The following DERA variants were observed in gnomAD, a reference collection of about 807,000 sequenced individuals.
DERA encodes deoxyribose-phosphate aldolase.
Under a neutral mutation model 41.1 loss-of-function variants are expected in DERA, and 15 were observed. The observed-to-expected ratio is 0.37, with a 90% CI of 0.24 to 0.56. The LOEUF (loss-of-function observed/expected upper bound fraction) is 0.56, where lower values mean the gene tolerates loss of function less well. Among genes scored for constraint, DERA ranks in the 20% least tolerant of loss-of-function variants. The pLI is 0.81. For synonymous variants in DERA, 139 were observed against 137.4 expected, an observed-to-expected ratio of 1.01 and a Z score of -0.08; for missense variants, 396 against 403.4, an observed-to-expected ratio of 0.98 and a Z score of 0.16.
At chr12:15,971,723 G>A (rs112744720) in intron 5 of DERA, among the ~76,000 whole-genome samples, 2,672 of 152,104 alleles carry the variant, frequency 0.018, 84 homozygotes, top group African/African-American at 0.061. Flanking sequence ...TCACCATGTT[G>A]GCCAGGCTGG....
At chr12:15,973,904 A>G (rs1948680733) in intron 5 of DERA, among the ~76,000 whole-genome samples, 1 of 152,160 alleles carries the variant, frequency 6.6e-6, no homozygotes, top group African/African-American at 2.4e-5. Context: ...TACAACAAAC[A>G]TATCAAATTA....
Position 15,918,349 on chromosome 12 carries a change from A to G in DERA, c.31+6935A>G, listed in dbSNP as rs1223453863. 6.6e-6 allele frequency among the ~76,000 whole-genome samples: 1 copy of G among 151,634 alleles called. No individual in the cohort carries two copies. Among genetic ancestry groups the G allele is most frequent in the East Asian group, 2.0e-4 (1 of 5,128 alleles). ...TACCCTGCTTGCGCTTCCACTCCCT[A>G]TGTCTTGCTCCCGCTTTGTGCAGAT... On this transcript the variant is annotated intron_variant, in intron 1 of 8. Transcript: ENST00000428559. The surrounding 1 kb of genome is among the most constrained non-coding windows in gnomAD (Gnocchi z 4.3).
Position 16,010,205 on chromosome 12 carries a change from G to C in DERA, c.638-22337G>C, listed in dbSNP as rs1948938239. ...TGAAAACAAGTGTGTGGCATCCAGG[G>C]AGATCCTAGATGAGTTCTAGTTCAT... On this transcript the variant is annotated intron_variant, in intron 6 of 8. Transcript: ENST00000428559. The surrounding 1 kb of genome is among the most constrained non-coding windows in gnomAD (Gnocchi z 5.5). Among the ~76,000 whole-genome samples the C allele has an allele frequency of 6.6e-6, 1 of 152,200 alleles. No homozygotes were observed. Among genetic ancestry groups the C allele is most frequent in the Non-Finnish European group, 1.5e-5 (1 of 68,040 alleles).
chr12:15,996,212 A>G lies in DERA; in HGVS notation c.637+13776A>G, dbSNP rs903347142. 2.0e-4 allele frequency among the ~76,000 whole-genome samples: 31 copies of G among 151,266 alleles called. No individual in the cohort carries two copies. Among genetic ancestry groups the G allele is most frequent in the African/African-American group, 6.6e-4 (27 of 41,180 alleles). On this transcript the variant is annotated intron_variant, in intron 6 of 8. Coordinates refer to ENST00000428559, the MANE Select transcript of DERA (RefSeq NM_015954.4). The surrounding 1 kb of genome is among the most constrained non-coding windows in gnomAD (Gnocchi z 4.7). ...GTGTGTAATTTAAGAGTAGATTACAATCCAGTATACACAGGGCCCCAAAAT... is the reference window on the plus strand; with the variant it reads ...GTGTGTAATTTAAGAGTAGATTACAGTCCAGTATACACAGGGCCCCAAAAT...
rs1293947611 is a variant in DERA at position 15,981,512 on chromosome 12, G to T, written c.509-796G>T. Reference sequence around the variant, plus strand: ...AAATTCACTAGTATCATTGACAAAAGACTTAAATAATTTTTTAAAGATTTA... The same window carrying T: ...AAATTCACTAGTATCATTGACAAAATACTTAAATAATTTTTTAAAGATTTA... On this transcript the variant is annotated intron_variant, in intron 5 of 8. Transcript: ENST00000428559. This position sits in a 1 kb window ranked among gnomAD's most constrained non-coding sequence, Gnocchi z 6.1. Among the ~76,000 whole-genome samples the T allele has an allele frequency of 6.6e-6, 1 of 152,206 alleles. No homozygotes were observed. Among genetic ancestry groups the T allele is most frequent in the African/African-American group, 2.4e-5 (1 of 41,460 alleles).
At position 15,959,984 on chromosome 12, in the gene DERA, A is replaced by G; in HGVS notation, c.373+60A>G. The G allele has an allele frequency of 8.1e-7, 1 of 1,228,394 alleles. No individual in the cohort carries two copies. 76.1% of individuals were successfully genotyped at this position (1,228,394 alleles called of 1,614,324 possible). A position where few individuals can be genotyped will look rare whatever the true frequency, so the allele number is the denominator to read the frequency against. ...AAACATGTTTCCAGTTCTTCATACA[A>G]TGGGGTATTATATGTAGGTTTGTAC... On this transcript the variant is annotated intron_variant, in intron 4 of 8. Transcript: ENST00000428559. This position sits in a 1 kb window ranked among gnomAD's most constrained non-coding sequence, Gnocchi z 4.5.
Position 15,940,089 on chromosome 12 carries a change from C to A in DERA, c.32-16847C>A, listed in dbSNP as rs1265973746. On this transcript the variant is annotated intron_variant, in intron 1 of 8. Coordinates refer to ENST00000428559, the MANE Select transcript of DERA (RefSeq NM_015954.4). This position sits in a 1 kb window ranked among gnomAD's most constrained non-coding sequence, Gnocchi z 5.1. ...AAAATTTGTATCCATGTTGTCACTG[C>A]AAAATCACATAATTATGTGTTTATC... Among the ~76,000 whole-genome samples the A allele has an allele frequency of 6.6e-6, 1 of 152,152 alleles. No homozygotes were observed. Among genetic ancestry groups the A allele is most frequent in the Non-Finnish European group, 1.5e-5 (1 of 68,012 alleles).
intron 4 of DERA, among the ~76,000 whole-genome samples, chr12:15,960,567 G>C (rs1383237907): frequency 7.0e-6 from 1 of 142,554 alleles, no homozygotes. Context: ...AACCTGGGAG[G>C]CAGAGGTTGC....
chr12:15,962,601 A>C lies in DERA; in HGVS notation c.374-212A>C, dbSNP rs188793540. On this transcript the variant is annotated intron_variant, in intron 4 of 8. Coordinates refer to ENST00000428559, the MANE Select transcript of DERA (RefSeq NM_015954.4). The stretch of plus-strand genomic sequence containing the variant: ...AGAAAATGATATTTGTCCTAACACT[A>C]ATATGAGAGAACATTCAATTTCTTC... Among the ~76,000 whole-genome samples, 462 of 152,322 alleles carry C rather than the reference A, an allele frequency of 3.0e-3. 3 individuals are homozygous for C. The highest frequency in any genetic ancestry group is 4.4e-3 in the Non-Finnish European group (301 of 68,024).
Position 15,989,969 on chromosome 12 carries a change from G to A in DERA, c.637+7533G>A, listed in dbSNP as rs954062480. ...AAGACCAGAACTCTTGTTCTGTCTTGCATATTTTGTGACCTTGAACAAATA... is the reference window on the plus strand; with the variant it reads ...AAGACCAGAACTCTTGTTCTGTCTTACATATTTTGTGACCTTGAACAAATA... On this transcript the variant is annotated intron_variant, in intron 6 of 8. Coordinates refer to ENST00000428559, the MANE Select transcript of DERA (RefSeq NM_015954.4). The surrounding 1 kb of genome is among the most constrained non-coding windows in gnomAD (Gnocchi z 5.2). 6.6e-6 allele frequency among the ~76,000 whole-genome samples: 1 copy of A among 152,200 alleles called. No homozygotes were observed. The highest frequency in any genetic ancestry group is 1.5e-5 in the Non-Finnish European group (1 of 68,034).
chr12:16,010,088 C>T lies in DERA; in HGVS notation c.638-22454C>T, dbSNP rs1202986194. Among the ~76,000 whole-genome samples, 1 of 152,048 alleles carries T rather than the reference C, an allele frequency of 6.6e-6. No individual in the cohort carries two copies. The highest frequency in any genetic ancestry group is 2.4e-5 in the African/African-American group (1 of 41,372). ...TTACTGTATGGTTGTGTGTTATTTC[C>T]ATTTAAGAGTTTTAGTAAAGGAAGC... On this transcript the variant is annotated intron_variant, in intron 6 of 8. Transcript: ENST00000428559. The surrounding 1 kb of genome is among the most constrained non-coding windows in gnomAD (Gnocchi z 5.5).
intron 1 of DERA, among the ~76,000 whole-genome samples, chr12:15,919,077 GCTAA>G (rs1948222829): frequency 6.6e-6 from 1 of 152,154 alleles, no homozygotes; most frequent in Non-Finnish European, 1.5e-5. Flanking sequence ...TTTTGTGAAT[GCTAA>G]CTACTTTGAT....
At position 15,957,042 on chromosome 12, in the gene DERA, T is replaced by C; in HGVS notation, c.129+9T>C. 6.2e-7 allele frequency: 1 copy of C among 1,610,016 alleles called. No individual in the cohort carries two copies. The highest frequency in any genetic ancestry group is 1.1e-5 in the South Asian group (1 of 90,896). On this transcript the variant is annotated intron_variant, in intron 2 of 8. Coordinates refer to ENST00000428559, the MANE Select transcript of DERA (RefSeq NM_015954.4). This position sits in a 1 kb window ranked among gnomAD's most constrained non-coding sequence, Gnocchi z 4.8. ...TGAAAAAGGAGTGGCAGGTAAGGGT[T>C]CTTCTTGAGCATTCTGTGCCTGTAT...
At position 16,036,826 on chromosome 12, in the gene DERA, T is replaced by A; in HGVS notation, c.*80T>A. ...CTACGTAATTGCTAAAATTATTTAA[T>A]TAAAAAATTGGGCAGTAGGTAACTG... On this transcript the variant is annotated 3_prime_UTR_variant, in exon 9 of 9. Coordinates refer to ENST00000428559, the MANE Select transcript of DERA (RefSeq NM_015954.4). This position sits in a 1 kb window ranked among gnomAD's most constrained non-coding sequence, Gnocchi z 4.9. The A allele has an allele frequency of 8.8e-7, 1 of 1,140,712 alleles. No homozygotes were observed. Among genetic ancestry groups the A allele is most frequent in the Non-Finnish European group, 1.3e-6 (1 of 790,752 alleles). The allele number at this position is 1,140,712 out of a possible 1,614,324, so 70.7% of individuals were successfully genotyped here.
At chr12:15,919,282 C>G (rs1948224341) in intron 1 of DERA, among the ~76,000 whole-genome samples, 1 of 151,336 alleles carries the variant, frequency 6.6e-6, no homozygotes, top group Admixed American at 6.6e-5. Flanking sequence ...TAAAAAGCAT[C>G]TAAGCCCGGT....
At chr12:15,974,623 A>G (rs1390886047) in intron 5 of DERA, among the ~76,000 whole-genome samples, 1 of 152,168 alleles carries the variant, frequency 6.6e-6, no homozygotes, top group Non-Finnish European at 1.5e-5. Context: ...AAGTTTCTCC[A>G]TTGTAAAATT....
Position 16,015,685 on chromosome 12 carries a change from G to A in DERA, c.638-16857G>A, listed in dbSNP as rs1041520825. 3.3e-5 allele frequency among the ~76,000 whole-genome samples: 5 copies of A among 152,228 alleles called. 1 individual carries two copies. Among genetic ancestry groups the A allele is most frequent in the Middle Eastern group, 3.4e-3 (1 of 294 alleles). Reference sequence around the variant, plus strand: ...TAACTATCTATTTAAACCAATGACGGGTTACATCTTGTTGATTAGAGAGGA... The same window carrying A: ...TAACTATCTATTTAAACCAATGACGAGTTACATCTTGTTGATTAGAGAGGA... On this transcript the variant is annotated intron_variant, in intron 6 of 8. Transcript: ENST00000428559.
In DERA at chr12:16,008,970, G is replaced by A. The variant is rs1948930880; in HGVS notation, c.638-23572G>A. On this transcript the variant is annotated intron_variant, in intron 6 of 8. Coordinates refer to ENST00000428559, the MANE Select transcript of DERA (RefSeq NM_015954.4). This position sits in a 1 kb window ranked among gnomAD's most constrained non-coding sequence, Gnocchi z 4.8. The stretch of plus-strand genomic sequence containing the variant: ...GAAGTGCATAGCAGTTAAAAGCCTG[G>A]ACTTTGAGTTAGAAAAACATGGATT... Among the ~76,000 whole-genome samples the A allele has an allele frequency of 6.6e-6, 1 of 152,194 alleles. No homozygotes were observed. The highest frequency in any genetic ancestry group is 1.5e-5 in the Non-Finnish European group (1 of 68,030).
Position 15,989,789 on chromosome 12 carries a change from C to T in DERA, c.637+7353C>T, listed in dbSNP as rs776269708. On this transcript the variant is annotated intron_variant, in intron 6 of 8. Coordinates refer to ENST00000428559, the MANE Select transcript of DERA (RefSeq NM_015954.4). The surrounding 1 kb of genome is among the most constrained non-coding windows in gnomAD (Gnocchi z 5.2). ...TTCTTTGGAGACCAGGTAGAGATAT[C>T]TAACTATGTTAGTCTGGTCTTACAC... Among the ~76,000 whole-genome samples, 2 of 152,148 alleles carry T rather than the reference C, an allele frequency of 1.3e-5. No individual in the cohort carries two copies. The highest frequency in any genetic ancestry group is 2.9e-5 in the Non-Finnish European group (2 of 68,032).
Sources: gnomAD v4.1 joint callset for allele counts (sites outside exome capture counted in the v4.1 genomes callset) on GRCh38, gnomAD v4.1.1 for gene constraint, Gnocchi (gnomAD v3.1) non-coding constraint, MANE v1.5 for transcripts, NCBI Gene and HGNC (gene_info 2026-07-23, HGNC 2026-07-21) for gene names.